The following GNL3L variants were observed in gnomAD, a reference collection of about 807,000 sequenced individuals.
The protein encoded by GNL3L is G protein nucleolar 3 like.
Under a neutral mutation model 42.9 loss-of-function variants are expected in GNL3L, and 4 were observed. The ratio of observed to expected loss-of-function variants is 0.09; its 90% CI spans 0.05 to 0.21. GNL3L has a LOEUF of 0.21. Among genes scored for constraint, GNL3L ranks in the 10% least tolerant of loss-of-function variants. The pLI is 1.00. For synonymous variants in GNL3L, 159 were observed against 176.3 expected (o/e 0.90, Z 0.78); for missense variants, 412 against 481.7 (o/e 0.86, Z 1.36).
At chrX:54,591,218 T>G (rs1354453299) in intron 16 of GNL3L, among the ~76,000 whole-genome samples, 3 of 111,174 alleles carry the variant, frequency 2.7e-5, no homozygotes, top group Non-Finnish European at 5.7e-5. Flanking sequence ...CTTCTTCATA[T>G]GGATATCCAG....
intron 16 of GNL3L, among the ~76,000 whole-genome samples, chrX:54,620,696 T>G (rs1926276964): frequency 8.9e-6 from 1 of 111,936 alleles, no homozygotes; most frequent in Non-Finnish European, 1.9e-5. Context: ...TATTTTTAGT[T>G]TTTAAAGGAA....
chrX:54,637,373 G>A, the GNL3L span, among the ~76,000 whole-genome samples: 1 of 111,885 alleles, frequency 8.9e-6, no homozygotes, highest in African/African-American at 3.2e-5. Flanking sequence ...ATTTACCCTT[G>A]TGTACCGCTA....
intron 3 of GNL3L, among the ~76,000 whole-genome samples, chrX:54,539,320 T>A (rs1924543066): frequency 9.0e-6 from 1 of 111,444 alleles, no homozygotes; most frequent in Non-Finnish European, 1.9e-5. Flanking sequence ...TTGGTAGGGA[T>A]TATCATTATC....
intron 16 of GNL3L, among the ~76,000 whole-genome samples, chrX:54,604,781 C>T (rs764089141): frequency 3.6e-5 from 4 of 112,246 alleles, no homozygotes; most frequent in East Asian, 2.8e-4. Flanking sequence ...TGTGACTCTG[C>T]GAAAACGCCT....
chrX:54,573,094 C>T (rs1269762563), intron 16 of GNL3L, among the ~76,000 whole-genome samples: 1 of 110,281 alleles, frequency 9.1e-6, no homozygotes, highest in East Asian at 2.9e-4. Context: ...TCCTCACATC[C>T]CAGACGATGG....
downstream of GNL3L, among the ~76,000 whole-genome samples, chrX:54,571,677 A>G (rs1271304149): frequency 9.1e-6 from 1 of 110,001 alleles, no homozygotes; most frequent in African/African-American, 3.3e-5. Context: ...TCTATAGATA[A>G]TGTGTTTTTT....
At chrX:54,637,426 G>T in the GNL3L span, among the ~76,000 whole-genome samples, 2 of 111,396 alleles carry the variant, frequency 1.8e-5, no homozygotes. Flanking sequence ...TATATATTTT[G>T]CAGTTTGTAT....
the GNL3L span, among the ~76,000 whole-genome samples, chrX:54,642,671 A>G: frequency 9.0e-6 from 1 of 110,960 alleles, no homozygotes; most frequent in African/African-American, 3.3e-5. Flanking sequence ...TTCAGAGAGG[A>G]CTTTGCCAAA....
chrX:54,574,601 GTC>G (rs759930618), intron 16 of GNL3L, among the ~76,000 whole-genome samples: 1 of 112,118 alleles, frequency 8.9e-6, no homozygotes, highest in Non-Finnish European at 1.9e-5. Flanking sequence ...TTCTTGTGAT[GTC>G]TCTGTCTGTT....
the GNL3L span, among the ~76,000 whole-genome samples, chrX:54,640,549 T>C: frequency 8.9e-6 from 1 of 112,241 alleles, no homozygotes; most frequent in African/African-American, 3.2e-5. Context: ...ACTTAACCCT[T>C]CTCTTGTTGG....
the GNL3L span, among the ~76,000 whole-genome samples, chrX:54,640,609 G>C: frequency 8.9e-6 from 1 of 112,356 alleles, no homozygotes; most frequent in Non-Finnish European, 1.9e-5. Flanking sequence ...ATCTCTGCAA[G>C]GAATAATTTT....
At position 54,564,946 on chromosome X, in the gene GNL3L, G is replaced by A. The variant is rs767578299; in HGVS notation, c.*4344G>A. Among the ~76,000 whole-genome samples the A allele has an allele frequency of 4.6e-5, 5 of 107,759 alleles. No individual in the cohort carries two copies. In the East Asian group the frequency reaches 1.5e-3, roughly 32 times the overall value. The allele number at this position is 107,759 out of a possible 115,157, so 93.6% of individuals were successfully genotyped here. ...GCGGGGGTTTCTCCACACTGGCCAGGCTGGTCTTGAACTTCTGACCTCAAA... is the reference window on the plus strand; with the variant it reads ...GCGGGGGTTTCTCCACACTGGCCAGACTGGTCTTGAACTTCTGACCTCAAA... On this transcript the variant is annotated 3_prime_UTR_variant, in exon 16 of 16. Coordinates refer to ENST00000360845, the MANE Select transcript of GNL3L (RefSeq NM_001184819.2).
intron 16 of GNL3L, among the ~76,000 whole-genome samples, chrX:54,605,983 G>A (rs1180696641): frequency 9.0e-6 from 1 of 111,483 alleles, no homozygotes; most frequent in Non-Finnish European, 1.9e-5. Flanking sequence ...TTGGCATTCT[G>A]GGTGAATTGG....
intron 14 of GNL3L, among the ~76,000 whole-genome samples, chrX:54,556,904 G>A (rs1476251943): frequency 1.8e-5 from 2 of 111,072 alleles, no homozygotes; most frequent in East Asian, 5.8e-4. Flanking sequence ...ACCGAGGCCG[G>A]GCGCGGTGGC....
At chrX:54,553,656 C>T (rs1241988294) in intron 13 of GNL3L, among the ~76,000 whole-genome samples, 1 of 111,399 alleles carries the variant, frequency 9.0e-6, no homozygotes. Flanking sequence ...TCTTGTGCCT[C>T]AGCTGCCTGA....
chrX:54,563,865 T>C lies in GNL3L; in HGVS notation c.*3263T>C, dbSNP rs185315907. Among the ~76,000 whole-genome samples, 2 of 111,828 alleles carry C rather than the reference T, an allele frequency of 1.8e-5. No individual in the cohort carries two copies. The highest frequency in any genetic ancestry group is 3.3e-5 in the African/African-American group (1 of 30,748). ...TACAGCATATCTCAAAGGTTTTTTT[T>C]AAAAAAGTATTTTCTTAACTTTTTA... On this transcript the variant is annotated 3_prime_UTR_variant, in exon 16 of 16. Transcript: ENST00000360845.
chrX:54,612,459 C>T (rs1182516389), intron 16 of GNL3L, among the ~76,000 whole-genome samples: 2 of 111,236 alleles, frequency 1.8e-5, no homozygotes, highest in Non-Finnish European at 3.8e-5. Context: ...TTTTGTTGCC[C>T]ATGTACTTTG....
At chrX:54,628,576 T>C in the GNL3L span, among the ~76,000 whole-genome samples, 3 of 111,169 alleles carry the variant, frequency 2.7e-5, no homozygotes, top group East Asian at 2.8e-4. Context: ...TGGTATTGCA[T>C]TGTGGTTTTG....
At chrX:54,574,203 C>G (rs1351742242) in intron 16 of GNL3L, among the ~76,000 whole-genome samples, 2 of 111,654 alleles carry the variant, frequency 1.8e-5, no homozygotes, top group African/African-American at 6.5e-5. Flanking sequence ...ACACCCTTGA[C>G]TTATTTCCAA....
Sources: gnomAD v4.1 joint callset for allele counts (sites outside exome capture counted in the v4.1 genomes callset) on GRCh38, gnomAD v4.1.1 for gene constraint, MANE v1.5 for transcripts, NCBI Gene and HGNC (gene_info 2026-07-23, HGNC 2026-07-21) for gene names.